ATP5MC2: variants seen among roughly 807,000 people sequenced by gnomAD.
The protein encoded by ATP5MC2 is ATP synthase membrane subunit c locus 2.
ATP5MC2 carries 11 observed loss-of-function variants against 13.5 expected under a neutral mutation model. The observed-to-expected ratio is 0.81, with a 90% confidence interval of 0.51 to 1.35. The LOEUF (loss-of-function observed/expected upper bound fraction) is 1.35. Ranked by LOEUF, ATP5MC2 falls within the 40% of genes most tolerant of loss-of-function variation. The probability of loss-of-function intolerance (pLI) is 0.00; values close to 1 mark genes in which losing one functional copy is unlikely to be tolerated. For synonymous variants in ATP5MC2, 64 were observed against 69.7 expected, an observed-to-expected ratio of 0.92 and a Z score of 0.41; for missense variants, 132 against 175.0, an observed-to-expected ratio of 0.75 and a Z score of 1.39.
chr12:53,676,624 T>G, upstream of ATP5MC2: 1 of 188,408 alleles, frequency 5.3e-6, no homozygotes, highest in Non-Finnish European at 1.1e-5. Context: ...GTTTCCTCCT[T>G]TCCATTCCGG....
rs1945142110 is a variant in ATP5MC2, at chr12:53,672,840, T to C, written c.-31-195A>G. 4 of 570,896 alleles carry C rather than the reference T, an allele frequency of 7.0e-6. No homozygotes were observed. In the South Asian group the frequency reaches 8.3e-5, roughly 12 times the overall value. The allele number at this position is 570,896 out of a possible 1,614,324, so 35.4% of individuals were successfully genotyped here. On this transcript the variant is annotated intron_variant, in intron 1 of 4. Coordinates refer to ENST00000394349, the MANE Select transcript of ATP5MC2 (RefSeq NM_005176.7). Reference sequence around the variant, plus strand: ...CCACACAGCTCCCAAGATTTCCTTATAATGAAGTGACTTCCCCTGGTCTGA... The same window carrying C: ...CCACACAGCTCCCAAGATTTCCTTACAATGAAGTGACTTCCCCTGGTCTGA...
rs746906986 is a variant in ATP5MC2 at position 53,670,120 on chromosome 12, T to C, written c.40-172A>G. On this transcript the variant is annotated intron_variant, in intron 2 of 4. Transcript: ENST00000394349. Reference sequence around the variant, plus strand: ...ATTCTTCCTTTTAGCAAAGTCTAAATTAAAGAACCACACCATTTCTCTTGC... The same window carrying C: ...ATTCTTCCTTTTAGCAAAGTCTAAACTAAAGAACCACACCATTTCTCTTGC... 9.0e-5 allele frequency: 60 copies of C among 667,946 alleles called. No homozygotes were observed. In the Admixed American group the frequency reaches 1.2e-3, roughly 14 times the overall value. The allele number at this position is 667,946 out of a possible 1,614,324, so 41.4% of individuals were successfully genotyped here. A position where few individuals can be genotyped will look rare whatever the true frequency, so the allele number is the denominator to read the frequency against.
chr12:53,666,993 T>C (rs1944934785), intron 4 of ATP5MC2, among the ~76,000 whole-genome samples: 1 of 148,376 alleles, frequency 6.7e-6, no homozygotes, highest in Non-Finnish European at 1.5e-5. Context: ...GGTTTATGAG[T>C]TGAAGTAGTA....
chr12:53,669,460 G>T, intron 3 of ATP5MC2, 119 bp from the exon 4 acceptor site: 1 of 1,437,500 alleles, frequency 7.0e-7, no homozygotes, highest in Non-Finnish European at 9.1e-7. Flanking sequence ...ATTGTTTAAC[G>T]CCCTAAAATG....
At chr12:53,666,433 C>T (rs552877489) in intron 4 of ATP5MC2, among the ~76,000 whole-genome samples, 1 of 152,104 alleles carries the variant, frequency 6.6e-6, no homozygotes. Context: ...AAAAATTAGC[C>T]AGGCGTGTTG....
At chr12:53,669,584 A>G (rs1945032823) in intron 3 of ATP5MC2, among the ~76,000 whole-genome samples, 1 of 152,122 alleles carries the variant, frequency 6.6e-6, no homozygotes, top group Non-Finnish European at 1.5e-5. Flanking sequence ...CCCCAAGGAG[A>G]TCATCTTCCT....
At chr12:53,669,389 T>C in intron 3 of ATP5MC2, 48 bp from the exon 4 acceptor site, 1 of 1,561,852 alleles carries the variant, frequency 6.4e-7, no homozygotes, top group Non-Finnish European at 8.7e-7. Flanking sequence ...CTTTGGTAAC[T>C]TTTGTACCAT....
Position 53,665,416 on chromosome 12 carries a change from C to A in ATP5MC2, c.324G>T (p.Leu108=), listed in dbSNP as rs757941111. ...LIIGYARNPS[L]KQQLFSYAIL... ...TGGCGTAGGAGAAGAGCTGTTGCTT[C>A]AGAGAAGGGTTCCTGGTAGAAGGAG... The change falls in exon 5 of 5, where the codon CTG becomes CTT. Residue 108 remains leucine, a synonymous_variant. Transcript: ENST00000394349. The A allele has an allele frequency of 6.2e-7, 1 of 1,613,812 alleles. No individual in the cohort carries two copies. The highest frequency in any genetic ancestry group is 1.7e-5 in the Admixed American group (1 of 60,016).
At chr12:53,676,311 C>A, upstream of ATP5MC2, 1 of 1,449,938 alleles carries the variant, frequency 6.9e-7, no homozygotes, top group South Asian at 1.3e-5. Flanking sequence ...CGGAGTAAGC[C>A]GATCCGTAAC....
intron 1 of ATP5MC2, 58 bp from the exon 2 acceptor site, chr12:53,672,703 T>C (rs1945139483): frequency 2.7e-6 from 4 of 1,499,150 alleles, no homozygotes; most frequent in Non-Finnish European, 3.6e-6. Context: ...ATATCCTTAT[T>C]AGCAGAAAAG....
At chr12:53,667,956 C>CATATATATAT (rs772110168) in intron 4 of ATP5MC2, among the ~76,000 whole-genome samples, 1,952 of 66,392 alleles carry the variant, frequency 0.029, 141 homozygotes, top group East Asian at 0.064. Flanking sequence ...CATACACACA[C>CATATATATAT]ATATATATAT....
intron 2 of ATP5MC2, among the ~76,000 whole-genome samples, chr12:53,672,233 A>AT (rs1228348038): frequency 4.0e-5 from 6 of 151,590 alleles, no homozygotes; most frequent in African/African-American, 1.2e-4. Context: ...TTATTTATTT[A>AT]TTTTTTGAGA....
chr12:53,676,019 AGCGCAC>A, intron 1 of ATP5MC2, 28 bp downstream of exon 1: 1 of 1,601,678 alleles, frequency 6.2e-7, no homozygotes, highest in Non-Finnish European at 8.5e-7. Context: ...GCGCGTGCGC[AGCGCAC>A]AGAGGGCTCT....
chr12:53,668,934 G>A (rs1301834365), intron 4 of ATP5MC2, among the ~76,000 whole-genome samples: 2 of 152,048 alleles, frequency 1.3e-5, no homozygotes, highest in African/African-American at 4.8e-5. Flanking sequence ...CACAAGAATC[G>A]CTTGAACCCA....
rs780972321 is a variant in ATP5MC2, at chr12:53,665,446, G to C, written c.312-18C>G. 1.9e-6 allele frequency: 3 copies of C among 1,574,834 alleles called. No homozygotes were observed. In the African/African-American group the frequency reaches 4.1e-5, roughly 21 times the overall value. On this transcript the variant is annotated intron_variant, in intron 4 of 4. Coordinates refer to ENST00000394349, the MANE Select transcript of ATP5MC2 (RefSeq NM_005176.7). ...AAGGGTTCCTGGTAGAAGGAGAAGA[G>C]AAAAGACTGAATTTCTAGTTCACAC... is the stretch of plus-strand genomic sequence containing the variant.
At chr12:53,669,468 A>G in intron 3 of ATP5MC2, 127 bp from the exon 4 acceptor site, 1 of 1,435,776 alleles carries the variant, frequency 7.0e-7, no homozygotes, top group African/African-American at 1.4e-5. Flanking sequence ...ACGCCCTAAA[A>G]TGCTGGCAAG....
In ATP5MC2 at chr12:53,669,854, A is replaced by G; in HGVS notation, c.117+17T>C. On this transcript the variant is annotated intron_variant, in intron 3 of 4. Coordinates refer to ENST00000394349, the MANE Select transcript of ATP5MC2 (RefSeq NM_005176.7). ...CATCACCCCCAAAACCACAGTCCCA[A>G]CTCCACTGTAAGGTACCTCATCTGT... The G allele has an allele frequency of 6.2e-7, 1 of 1,613,070 alleles. No homozygotes were observed. The highest frequency in any genetic ancestry group is 2.2e-5 in the East Asian group (1 of 44,844).
intron 1 of ATP5MC2, among the ~76,000 whole-genome samples, chr12:53,675,205 T>C (rs1250528269): frequency 1.3e-5 from 2 of 151,996 alleles, no homozygotes; most frequent in African/African-American, 4.8e-5. Context: ...GTAACTTAAC[T>C]ATTCCTTTCC....
At chr12:53,668,968 A>G (rs1945012190) in intron 4 of ATP5MC2, among the ~76,000 whole-genome samples, 180 bp downstream of exon 4, 1 of 152,154 alleles carries the variant, frequency 6.6e-6, no homozygotes, top group Non-Finnish European at 1.5e-5. Context: ...CAGTGAGCTG[A>G]GATTGCGCCA....
Sources: allele counts gnomAD v4.1 joint callset (sites outside exome capture counted in the v4.1 genomes callset), GRCh38; gene constraint gnomAD v4.1.1; transcripts MANE v1.5; gene names NCBI Gene and HGNC (gene_info 2026-07-23, HGNC 2026-07-21).